Variants in CFAP61 observed in about 807,000 individuals in gnomAD.
CFAP61 encodes cilia- and flagella-associated protein 61.
A neutral mutation model predicts 135.6 loss-of-function variants in CFAP61; 107 were observed. That is an observed-to-expected ratio of 0.79 (90% CI 0.67 to 0.93). The LOEUF (loss-of-function observed/expected upper bound fraction) is 0.93, where lower values mean the gene tolerates loss of function less well. Among genes scored for constraint, CFAP61 ranks in the 40% least tolerant of loss-of-function variants. The pLI is 0.00. For missense variants in CFAP61, 1,507 were observed against 1,556.2 expected (o/e 0.97, Z 0.53); for synonymous variants, 575 against 578.5 (o/e 0.99, Z 0.09).
chr20:20,191,205 T>C (rs2055897074), intron 14 of CFAP61, 137 bp from the exon 15 acceptor site: 2 of 545,910 alleles, frequency 3.7e-6, no homozygotes, highest in South Asian at 3.2e-5. Flanking sequence ...TTTAACTTAC[T>C]ACCTGGCCAA....
intron 8 of CFAP61, among the ~76,000 whole-genome samples, chr20:20,138,539 G>T (rs117073189): frequency 1.3e-5 from 2 of 151,824 alleles, no homozygotes; most frequent in African/African-American, 4.9e-5. Flanking sequence ...CTCCCCAAGT[G>T]TACAGATTTT....
intron 8 of CFAP61, among the ~76,000 whole-genome samples, chr20:20,123,373 G>A (rs199693103): frequency 6.6e-6 from 1 of 151,660 alleles, no homozygotes; most frequent in Non-Finnish European, 1.5e-5. Flanking sequence ...GGTTTTTCCA[G>A]TGTTATCTTC....
chr20:20,158,821 G>GTGA lies in CFAP61; in HGVS notation c.952-547_952-545dup, dbSNP rs2053168780. 2.8e-4 allele frequency among the ~76,000 whole-genome samples: 42 copies of GTGA among 152,174 alleles called. No homozygotes were observed. In the South Asian group the frequency reaches 8.3e-3, roughly 30 times the overall value. ...TGTCATGTTCATTATCTTGATCACA[G>GTGA]TGATATTTTTATGGGTGTACACATA... On this transcript the variant is annotated intron_variant, in intron 9 of 26. Coordinates refer to ENST00000245957, the MANE Select transcript of CFAP61 (RefSeq NM_015585.4).
intron 15 of CFAP61, among the ~76,000 whole-genome samples, chr20:20,193,330 C>T (rs1302988101): frequency 6.6e-6 from 1 of 152,000 alleles, no homozygotes; most frequent in Non-Finnish European, 1.5e-5. Flanking sequence ...CTCTTTCTAT[C>T]TTATTAAAAG....
At chr20:20,268,937 G>A (rs987995342) in intron 21 of CFAP61, among the ~76,000 whole-genome samples, 1 of 151,800 alleles carries the variant, frequency 6.6e-6, no homozygotes, top group Non-Finnish European at 1.5e-5. Flanking sequence ...TGTAGGAAAA[G>A]TATAACATTA....
intron 13 of CFAP61, among the ~76,000 whole-genome samples, chr20:20,170,054 A>G (rs1036385911): frequency 1.3e-5 from 2 of 152,236 alleles, no homozygotes; most frequent in African/African-American, 4.8e-5. Context: ...TTCAAGGCTT[A>G]TGGACACACA....
intron 25 of CFAP61, among the ~76,000 whole-genome samples, chr20:20,324,260 C>T (rs1186696922): frequency 6.6e-6 from 1 of 152,020 alleles, no homozygotes; most frequent in African/African-American, 2.4e-5. Flanking sequence ...AAAAAATTAC[C>T]ACCACCCAAC....
intron 25 of CFAP61, among the ~76,000 whole-genome samples, chr20:20,333,914 TGG>T (rs1237867349): frequency 1.3e-5 from 2 of 152,022 alleles, no homozygotes. Context: ...GGGGAGGTCG[TGG>T]GGCCTGTGGG....
rs768118506 is a variant in CFAP61 at position 20,288,740 on chromosome 20, T to C, written c.2928T>C (p.Ala976=). The part of the protein sequence containing the change: ...NFHTNDIAIR[A]AGSLTKFSNR... ...ACACCAACGACATAGCCATCAGAGC[T>C]GCTGGCTCCCTCACCAAATTCTCCA... Residue 976 remains alanine, a synonymous_variant, in exon 23 of 27, where the codon GCT becomes GCC. Coordinates refer to ENST00000245957, the MANE Select transcript of CFAP61 (RefSeq NM_015585.4). 6.8e-6 allele frequency: 11 copies of C among 1,614,070 alleles called. No individual in the cohort carries two copies. The South Asian group carries it at 1.1e-4, about 16-fold the overall frequency.
At chr20:20,190,050 G>T (rs1041314522) in intron 14 of CFAP61, among the ~76,000 whole-genome samples, 2 of 152,216 alleles carry the variant, frequency 1.3e-5, no homozygotes, top group Non-Finnish European at 2.9e-5. Context: ...CTCTCAAAGT[G>T]CTGGGATTAC....
At chr20:20,116,382 C>T (rs1195376290) in intron 8 of CFAP61, among the ~76,000 whole-genome samples, 1 of 152,126 alleles carries the variant, frequency 6.6e-6, no homozygotes, top group Non-Finnish European at 1.5e-5. Flanking sequence ...TGTGGATTGT[C>T]TTTTCACTTT....
intron 7 of CFAP61, among the ~76,000 whole-genome samples, chr20:20,097,975 G>T (rs914403272): frequency 2.0e-5 from 3 of 152,178 alleles, no homozygotes; most frequent in African/African-American, 7.2e-5. Flanking sequence ...CATGGCAGAG[G>T]GAAAGAAAGT....
At chr20:20,284,431 G>A (rs561916216) in intron 22 of CFAP61, among the ~76,000 whole-genome samples, 30 of 151,984 alleles carry the variant, frequency 2.0e-4, no homozygotes, top group African/African-American at 7.0e-4. Flanking sequence ...GACTACAGGC[G>A]GCTGCCACCA....
chr20:20,216,710 A>G (rs1212179088), intron 17 of CFAP61, among the ~76,000 whole-genome samples: 1 of 152,230 alleles, frequency 6.6e-6, no homozygotes, highest in Non-Finnish European at 1.5e-5. Flanking sequence ...AGAGCATGGA[A>G]TTAACATTTT....
At chr20:20,247,154 G>A (rs1185835318) in intron 19 of CFAP61, among the ~76,000 whole-genome samples, 1 of 152,140 alleles carries the variant, frequency 6.6e-6, no homozygotes, top group Non-Finnish European at 1.5e-5. Flanking sequence ...AAGCTTGCTG[G>A]ATTTTTTGTT....
At chr20:20,311,758 G>T (rs1028448982) in intron 25 of CFAP61, among the ~76,000 whole-genome samples, 21 of 152,174 alleles carry the variant, frequency 1.4e-4, no homozygotes, top group Admixed American at 4.6e-4. Context: ...GTACTGGTCA[G>T]TCCATGTGGG....
At chr20:20,279,635 A>G (rs1242877771) in intron 22 of CFAP61, among the ~76,000 whole-genome samples, 2 of 152,298 alleles carry the variant, frequency 1.3e-5, no homozygotes, top group Admixed American at 1.3e-4. Context: ...CATAAGTGAC[A>G]CACAGTTCAA....
intron 1 of CFAP61, chr20:20,056,068 A>G: frequency 1.5e-6 from 2 of 1,323,778 alleles, no homozygotes; most frequent in South Asian, 2.5e-5. Context: ...CAAAGAAAAC[A>G]AGTTGCTTTA....
At chr20:20,197,486 G>A (rs1003121227) in intron 16 of CFAP61, among the ~76,000 whole-genome samples, 1 of 152,002 alleles carries the variant, frequency 6.6e-6, no homozygotes, top group Non-Finnish European at 1.5e-5. Flanking sequence ...GCTTTTATCT[G>A]TCTTGTTCAA....
Sources: gnomAD v4.1 joint callset for allele counts (sites outside exome capture counted in the v4.1 genomes callset) on GRCh38, gnomAD v4.1.1 for gene constraint, MANE v1.5 for transcripts, NCBI Gene and HGNC (gene_info 2026-07-23, HGNC 2026-07-21) for gene names.